ZNF138: variants seen among roughly 807,000 people sequenced by gnomAD.
ZNF138 encodes zinc finger protein 138.
Under a neutral mutation model 33.0 loss-of-function variants are expected in ZNF138, and 33 were observed. The observed-to-expected ratio is 1.00, with a 90% CI of 0.76 to 1.34. The LOEUF (loss-of-function observed/expected upper bound fraction) is 1.34. Ranked by LOEUF, ZNF138 falls within the 40% of genes most tolerant of loss-of-function variation. ZNF138 has a pLI of 0.00. For synonymous variants in ZNF138, 139 were observed against 120.4 expected, an observed-to-expected ratio of 1.15 and a Z score of -1.01; for missense variants, 360 against 370.8, an observed-to-expected ratio of 0.97 and a Z score of 0.24.
chr7:64,846,759 CTTGT>C, the ZNF138 span, among the ~76,000 whole-genome samples: 1 of 152,118 alleles, frequency 6.6e-6, no homozygotes, highest in Non-Finnish European at 1.5e-5. Context: ...ATTTCTTTCT[CTTGT>C]TTGATTGCTT....
At chr7:64,852,090 A>C in the ZNF138 span, among the ~76,000 whole-genome samples, 139,247 of 152,236 alleles carry the variant, frequency 0.91, 63,951 homozygotes, top group South Asian at 0.98. Flanking sequence ...GTGGAAGCAC[A>C]TTTAAAAAGA....
At chr7:64,826,214 T>C (rs1206366431) in intron 3 of ZNF138, among the ~76,000 whole-genome samples, 1 of 152,224 alleles carries the variant, frequency 6.6e-6, no homozygotes, top group African/African-American at 2.4e-5. Flanking sequence ...CTGTAGTTTT[T>C]TTTCTGTTTT....
At chr7:64,851,741 C>T in the ZNF138 span, among the ~76,000 whole-genome samples, 1 of 152,038 alleles carries the variant, frequency 6.6e-6, no homozygotes, top group Non-Finnish European at 1.5e-5. Context: ...AATGGTATTA[C>T]TGTAAATGTC....
intron 1 of ZNF138, among the ~76,000 whole-genome samples, chr7:64,803,373 T>A (rs955608469): frequency 6.6e-6 from 1 of 152,098 alleles, no homozygotes; most frequent in Non-Finnish European, 1.5e-5. Flanking sequence ...AGGATTACAT[T>A]TAGCAATACA....
chr7:64,853,233 A>C, the ZNF138 span: 7 of 1,607,778 alleles, frequency 4.4e-6, no homozygotes, highest in Non-Finnish European at 4.3e-6. Context: ...AGATTCCAGC[A>C]ATTTTTGCAG....
the ZNF138 span, chr7:64,853,404 C>A: frequency 9.1e-7 from 1 of 1,101,598 alleles, no homozygotes; most frequent in Non-Finnish European, 1.3e-6. Context: ...CTTCCCTCTG[C>A]GAGTTGGCTG....
chr7:64,839,270 G>A, the ZNF138 span, among the ~76,000 whole-genome samples: 4 of 152,164 alleles, frequency 2.6e-5, no homozygotes, highest in African/African-American at 7.2e-5. Context: ...AATCTTGGTC[G>A]AGTTGTAAAG....
At chr7:64,831,356 T>G in intron 3 of ZNF138, 95 bp from the exon 4 acceptor site, 2 of 1,176,490 alleles carry the variant, frequency 1.7e-6, no homozygotes, top group South Asian at 3.2e-5. Flanking sequence ...GCCATCTTGC[T>G]TATGTAGTTT....
chr7:64,823,212 A>C (rs1326480397), intron 3 of ZNF138, among the ~76,000 whole-genome samples: 7 of 152,190 alleles, frequency 4.6e-5, no homozygotes, highest in African/African-American at 1.7e-4. Context: ...TTGAGCAAGA[A>C]TATGTTGAAG....
At chr7:64,811,132 A>T (rs75572659) in intron 1 of ZNF138, among the ~76,000 whole-genome samples, 6,670 of 152,138 alleles carry the variant, frequency 0.044, 205 homozygotes, top group East Asian at 0.14. Flanking sequence ...TACATTTTTT[A>T]AAAAAATCAG....
intron 3 of ZNF138, among the ~76,000 whole-genome samples, chr7:64,817,804 C>G (rs1788782759): frequency 6.6e-6 from 1 of 151,694 alleles, no homozygotes; most frequent in South Asian, 2.1e-4. Context: ...ATTTTAGATT[C>G]AGACATTTAG....
At chr7:64,845,322 G>A in the ZNF138 span, among the ~76,000 whole-genome samples, 5 of 152,180 alleles carry the variant, frequency 3.3e-5, no homozygotes, top group East Asian at 1.9e-4. Context: ...TTATTTGCTC[G>A]TTGATTGATG....
chr7:64,822,544 G>T (rs867480240), intron 3 of ZNF138, among the ~76,000 whole-genome samples: 1 of 151,376 alleles, frequency 6.6e-6, no homozygotes, highest in Non-Finnish European at 1.5e-5. Context: ...TCCAAGAGAC[G>T]ATCTTTTCTC....
chr7:64,800,165 T>G (rs993610370), intron 1 of ZNF138, among the ~76,000 whole-genome samples: 1 of 152,216 alleles, frequency 6.6e-6, no homozygotes, highest in Non-Finnish European at 1.5e-5. Flanking sequence ...CTTTTTCTCT[T>G]CTATTGAATA....
At chr7:64,810,301 G>C (rs1323404689) in intron 1 of ZNF138, among the ~76,000 whole-genome samples, 1 of 148,846 alleles carries the variant, frequency 6.7e-6, no homozygotes, top group Non-Finnish European at 1.5e-5. Flanking sequence ...ACCAAAACCA[G>C]TCAGGCGTGG....
intron 2 of ZNF138, 89 bp downstream of exon 2, chr7:64,815,133 T>C (rs1339878364): frequency 1.1e-5 from 14 of 1,303,084 alleles, no homozygotes; most frequent in Non-Finnish European, 1.4e-5. Context: ...TGGTAATTTA[T>C]GCTTTGCATA....
At chr7:64,794,794 CCCTGG>C (rs1786555912) in intron 1 of ZNF138, among the ~76,000 whole-genome samples, 1 of 152,154 alleles carries the variant, frequency 6.6e-6, no homozygotes, top group African/African-American at 2.4e-5. Flanking sequence ...AGTGACTGTG[CCCTGG>C]CCTGGAGCCC....
the ZNF138 span, among the ~76,000 whole-genome samples, chr7:64,841,356 G>C: frequency 6.6e-6 from 1 of 152,068 alleles, no homozygotes; most frequent in Non-Finnish European, 1.5e-5. Context: ...GAGGCAATTT[G>C]TTCAGATAAG....
chr7:64,814,453 T>G (rs1788446652), intron 1 of ZNF138, among the ~76,000 whole-genome samples: 1 of 152,202 alleles, frequency 6.6e-6, no homozygotes, highest in Admixed American at 6.5e-5. Context: ...AGAAGTACAT[T>G]AGAAAATATT....
Sources: allele counts gnomAD v4.1 joint callset (sites outside exome capture counted in the v4.1 genomes callset), GRCh38; gene constraint gnomAD v4.1.1; transcripts MANE v1.5; gene names NCBI Gene and HGNC (gene_info 2026-07-23, HGNC 2026-07-21).